ARHGAP17: variants seen among roughly 807,000 people sequenced by gnomAD.
ARHGAP17 encodes the protein Rho GTPase activating protein 17.
In ARHGAP17, 57 loss-of-function variants were observed where a neutral mutation model predicts 99.5. That is an observed-to-expected ratio of 0.57 (90% CI 0.46 to 0.71). The LOEUF (loss-of-function observed/expected upper bound fraction) is 0.71, where lower values mean the gene tolerates loss of function less well. ARHGAP17 is among the 30% of genes least tolerant of loss of function. The pLI, the probability that ARHGAP17 is intolerant of heterozygous loss-of-function variation, is 0.00. For synonymous variants in ARHGAP17, 417 were observed against 429.6 expected, an observed-to-expected ratio of 0.97 and a Z score of 0.36; for missense variants, 1,000 against 1,122.4, an observed-to-expected ratio of 0.89 and a Z score of 1.56.
intron 1 of ARHGAP17, among the ~76,000 whole-genome samples, chr16:25,009,543 A>G (rs2053590873): frequency 6.6e-6 from 1 of 152,204 alleles, no homozygotes; most frequent in Non-Finnish European, 1.5e-5. Flanking sequence ...GATTCATTCA[A>G]TTCGGCAGCA....
At chr16:24,994,762 C>T (rs2053146392) in intron 1 of ARHGAP17, among the ~76,000 whole-genome samples, 1 of 152,116 alleles carries the variant, frequency 6.6e-6, no homozygotes, top group Admixed American at 6.6e-5. Context: ...CTCTGAATCT[C>T]GGCAATATTA....
chr16:24,961,248 G>A (rs952601862), intron 7 of ARHGAP17, among the ~76,000 whole-genome samples: 17 of 152,184 alleles, frequency 1.1e-4, no homozygotes, highest in Admixed American at 1.3e-4. Context: ...CCTATTGGGA[G>A]CAATGGAAAT....
At chr16:24,969,455 C>T (rs1201744019) in intron 4 of ARHGAP17, among the ~76,000 whole-genome samples, 1 of 152,180 alleles carries the variant, frequency 6.6e-6, no homozygotes, top group Non-Finnish European at 1.5e-5. Context: ...CTGCCCAAGT[C>T]TGAATACAGG....
chr16:24,930,768 T>G lies in ARHGAP17; in HGVS notation c.2515+16A>C. On this transcript the variant is annotated intron_variant, in intron 19 of 19. Coordinates refer to ENST00000289968, the MANE Select transcript of ARHGAP17 (RefSeq NM_001006634.3). The stretch of plus-strand genomic sequence containing the variant: ...TAGAGCAGACGAGGAAATACGGGCA[T>G]TGATGTCCTACTTACCTGTTACTAT... 6.2e-7 allele frequency: 1 copy of G among 1,614,196 alleles called. No individual in the cohort carries two copies. The highest frequency in any genetic ancestry group is 8.5e-7 in the Non-Finnish European group (1 of 1,180,044).
At chr16:24,982,996 A>ATATTTTTTTT (rs1315859010) in intron 1 of ARHGAP17, among the ~76,000 whole-genome samples, 1 of 46,976 alleles carries the variant, frequency 2.1e-5, no homozygotes, top group African/African-American at 8.7e-5. Flanking sequence ...ATATATATAT[A>ATATTTTTTTT]TTTTTTTTTT....
intron 1 of ARHGAP17, among the ~76,000 whole-genome samples, chr16:24,983,783 TG>T (rs1358886121): frequency 6.6e-6 from 1 of 152,180 alleles, no homozygotes; most frequent in Admixed American, 6.6e-5. Context: ...CATTTTACTC[TG>T]GGGTTTGTTT....
rs1039099560 is a variant in ARHGAP17, at chr16:24,927,711, C to T, written c.2515+3073G>A. ...TTAAATATTCCAATCTCAGTTCTTA[C>T]TGAATATGGCAGGTCATACATCTAA... On this transcript the variant is annotated intron_variant, in intron 19 of 19. Transcript: ENST00000289968. 36 of 1,220,792 alleles carry T rather than the reference C, an allele frequency of 2.9e-5. 1 individual carries two copies. Among genetic ancestry groups the T allele is most frequent in the Admixed American group, 2.0e-4 (7 of 34,486 alleles). The allele number at this position is 1,220,792 out of a possible 1,614,324, so 75.6% of individuals were successfully genotyped here.
At chr16:24,994,185 G>A (rs943546368) in intron 1 of ARHGAP17, among the ~76,000 whole-genome samples, 2 of 152,108 alleles carry the variant, frequency 1.3e-5, no homozygotes, top group South Asian at 2.1e-4. Flanking sequence ...TTCTGGGTGG[G>A]GAACACCCTA....
chr16:24,989,866 G>A (rs2052985375), intron 1 of ARHGAP17, among the ~76,000 whole-genome samples: 1 of 152,204 alleles, frequency 6.6e-6, no homozygotes, highest in Admixed American at 6.5e-5. Context: ...GAAGCATAGG[G>A]TGGAGGAGAG....
intron 17 of ARHGAP17, among the ~76,000 whole-genome samples, chr16:24,937,174 C>A (rs1420371730): frequency 2.6e-5 from 4 of 151,174 alleles, no homozygotes; most frequent in Middle Eastern, 3.5e-3. Context: ...GTAATCCCAG[C>A]ACTTTGGGAG....
chr16:24,982,992 ATATATTTTTTT>A (rs1454785579), intron 1 of ARHGAP17, among the ~76,000 whole-genome samples: 30 of 28,740 alleles, frequency 1.0e-3, no homozygotes, highest in African/African-American at 4.2e-3. Flanking sequence ...ATATATATAT[ATATATTTTTTT>A]TTTTTTTTTT....
intron 3 of ARHGAP17, among the ~76,000 whole-genome samples, chr16:24,974,724 G>A (rs2052466426): frequency 6.6e-6 from 1 of 152,192 alleles, no homozygotes; most frequent in Non-Finnish European, 1.5e-5. Context: ...CAACAGTCCA[G>A]GTGAGAGGGA....
At chr16:24,937,116 G>GA (rs10639914) in intron 17 of ARHGAP17, among the ~76,000 whole-genome samples, 6,906 of 130,050 alleles carry the variant, frequency 0.053, 602 homozygotes, top group African/African-American at 0.18. Flanking sequence ...GACCCTGTCT[G>GA]AAAAAAAAAA....
chr16:24,982,990 A>ATTTTTT (rs1450608573), intron 1 of ARHGAP17, among the ~76,000 whole-genome samples: 1 of 32,472 alleles, frequency 3.1e-5, no homozygotes, highest in African/African-American at 1.3e-4. Flanking sequence ...ATATATATAT[A>ATTTTTT]TATATATTTT....
In ARHGAP17 at chr16:25,015,260, A is replaced by ATGGCGGCGG; in HGVS notation, c.-8_1dup (p.Leu1_?0). The ATGGCGGCGG allele has an allele frequency of 3.7e-6, 5 of 1,346,944 alleles. No homozygotes were observed. The highest frequency in any genetic ancestry group is 4.8e-6 in the Non-Finnish European group (5 of 1,038,512). 83.4% of individuals were successfully genotyped at this position (1,346,944 alleles called of 1,614,324 possible). A position where few individuals can be genotyped will look rare whatever the true frequency, so the allele number is the denominator to read the frequency against. On this transcript the variant is annotated start_lost and start_retained_variant, in exon 1 of 20. Coordinates refer to ENST00000289968, the MANE Select transcript of ARHGAP17 (RefSeq NM_001006634.3). ...CTTCATGCGGTTGAACTGCTTCTTC[A>ATGGCGGCGG]TGGCGGCGGTGGCGGCGGCGGCCCG...
Position 24,977,014 on chromosome 16 carries a change from C to T in ARHGAP17, c.198+201G>A, listed in dbSNP as rs80225381. ...TTTTAAAAGCACCTGGAGAAGATTC[C>T]GTGTAAGGAGGGCTTCCAGCCCAGC... On this transcript the variant is annotated intron_variant, in intron 3 of 19. Coordinates refer to ENST00000289968, the MANE Select transcript of ARHGAP17 (RefSeq NM_001006634.3). Among the ~76,000 whole-genome samples, 854 of 152,322 alleles carry T rather than the reference C, an allele frequency of 5.6e-3. 9 individuals carry two copies. Among genetic ancestry groups the T allele is most frequent in the African/African-American group, 8.7e-3 (360 of 41,558 alleles).
chr16:24,984,849 G>A (rs2052808307), intron 1 of ARHGAP17, among the ~76,000 whole-genome samples: 1 of 151,530 alleles, frequency 6.6e-6, no homozygotes, highest in Admixed American at 6.6e-5. Context: ...TACCTTTCAA[G>A]GTTAATCTTT....
Position 24,935,488 on chromosome 16 carries a change from G to A in ARHGAP17, c.1876C>T (p.Pro626Ser). 1.2e-6 allele frequency: 2 copies of A among 1,606,056 alleles called. No individual in the cohort carries two copies. Among genetic ancestry groups the A allele is most frequent in the Non-Finnish European group, 1.7e-6 (2 of 1,176,260 alleles). ...TGCTTACCTCGGCGCAGTGTATGCG[G>A]GCTGGGCCCTGCAGCATTGTGAGGT... ...GQPHNAAGPS[P>S]HTLRRAVKKP... The change falls in exon 18 of 20, where the codon CCG becomes TCG. Residue 626 changes from proline (P) to serine (S), a missense_variant. Pro to Ser is a moderately conservative substitution (Grantham distance 74, BLOSUM62 -1). Around this residue, in one of 2 missense-constraint regions of ARHGAP17, gnomAD observed 528 missense variants for 511.4 expected, o/e 1.03. Coordinates refer to ENST00000289968, the MANE Select transcript of ARHGAP17 (RefSeq NM_001006634.3).
At chr16:24,921,863 G>A (rs1477210902) in intron 19 of ARHGAP17, among the ~76,000 whole-genome samples, 1 of 152,234 alleles carries the variant, frequency 6.6e-6, no homozygotes, top group Non-Finnish European at 1.5e-5. Context: ...GCAGCCAAAG[G>A]TGGTCTGTAT....
Sources: gnomAD v4.1 joint callset for allele counts (sites outside exome capture counted in the v4.1 genomes callset) on GRCh38, gnomAD v4.1.1 for gene constraint, gnomAD v4.1.1 regional missense constraint, MANE v1.5 for transcripts, NCBI Gene and HGNC (gene_info 2026-07-23, HGNC 2026-07-21) for gene names.